Variants in ARF4 observed in about 807,000 individuals in gnomAD.
ARF4 encodes the protein ADP-ribosylation factor 4.
ARF4 carries 5 observed loss-of-function variants against 24.3 expected under a neutral mutation model. The observed-to-expected ratio is 0.21, with a 90% CI of 0.11 to 0.43. ARF4 has a LOEUF of 0.43. Ranked by LOEUF, ARF4 falls within the 20% of genes least tolerant of loss-of-function variation. The pLI is 1.00. For synonymous variants in ARF4, 62 were observed against 73.5 expected (o/e 0.84, Z 0.80); for missense variants, 107 against 213.0 (o/e 0.50, Z 3.10).
intron 1 of ARF4, chr3:57,596,717 G>A (rs951782187): frequency 1.5e-5 from 4 of 264,022 alleles, no homozygotes; most frequent in Non-Finnish European, 2.3e-5. Flanking sequence ...GGGCAAGAAG[G>A]TATGCAGATC....
At chr3:57,587,858 G>A (rs1160853555) in intron 1 of ARF4, among the ~76,000 whole-genome samples, 1 of 152,038 alleles carries the variant, frequency 6.6e-6, no homozygotes, top group Non-Finnish European at 1.5e-5. Context: ...AACACAGAAT[G>A]TATCTTATGC....
At chr3:57,594,205 CAA>C (rs894989456) in intron 1 of ARF4, among the ~76,000 whole-genome samples, 20 of 152,216 alleles carry the variant, frequency 1.3e-4, no homozygotes, top group African/African-American at 4.6e-4. Flanking sequence ...GCCTGGGAGA[CAA>C]GAGTGAAACT....
rs2069846266 is a variant in ARF4 at position 57,571,866 on chromosome 3, A to G, written c.*346T>C. On this transcript the variant is annotated 3_prime_UTR_variant, in exon 6 of 6. Transcript: ENST00000303436. ...TCTCAGGAATGATAAAGGTATCAGT[A>G]AAGTAGCAAGGGGATAACTTTAAAA... 2 of 195,396 alleles carry G rather than the reference A, an allele frequency of 1.0e-5. No homozygotes were observed. Among genetic ancestry groups the G allele is most frequent in the South Asian group, 2.3e-4 (2 of 8,580 alleles). The allele number at this position is 195,396 out of a possible 1,614,324, so 12.1% of individuals were successfully genotyped here. A position where few individuals can be genotyped will look rare whatever the true frequency, so the allele number is the denominator to read the frequency against.
intron 1 of ARF4, among the ~76,000 whole-genome samples, chr3:57,593,398 GAAAC>G (rs1245187790): frequency 1.3e-5 from 2 of 151,996 alleles, no homozygotes; most frequent in Admixed American, 6.6e-5. Context: ...AATATGCTAA[GAAAC>G]AAATATAAAA....
intron 2 of ARF4, 101 bp downstream of exon 2, chr3:57,584,283 G>T: frequency 8.8e-7 from 1 of 1,139,162 alleles, no homozygotes; most frequent in Non-Finnish European, 1.3e-6. Flanking sequence ...GTACTTCTAA[G>T]ATAATCAACA....
At chr3:57,573,056 G>T (rs540020196) in intron 5 of ARF4, among the ~76,000 whole-genome samples, 1 of 152,086 alleles carries the variant, frequency 6.6e-6, no homozygotes, top group South Asian at 2.1e-4. Context: ...CAAAAAATTA[G>T]CCGGGCGTGG....
intron 1 of ARF4, 68 bp downstream of exon 1, chr3:57,597,006 A>G: frequency 6.4e-7 from 1 of 1,558,374 alleles, no homozygotes; most frequent in African/African-American, 1.4e-5. Context: ...AAACAGGCCC[A>G]GAGGCCACCC....
chr3:57,589,548 T>C (rs535658751), intron 1 of ARF4, among the ~76,000 whole-genome samples: 1 of 150,534 alleles, frequency 6.6e-6, no homozygotes, highest in Non-Finnish European at 1.5e-5. Flanking sequence ...TGAAACCCAG[T>C]CTCTACTAAA....
Position 57,572,234 on chromosome 3 carries a change from G to A in ARF4, c.521C>T (p.Ser174Leu). 6.2e-7 allele frequency: 1 copy of A among 1,614,020 alleles called. No homozygotes were observed. ...CATTTAACGTTTTGAAAGCTCATTT[G>A]ACAGCCAGTCAAGTCCTTCATACAG... ...TGLYEGLDWLSNELSKR is the reference protein window; with the variant it reads ...TGLYEGLDWLLNELSKR The change falls in exon 6 of 6, where the codon TCA (serine) becomes TTA (leucine). Residue 174 changes from serine to leucine, a missense_variant. Coordinates refer to ENST00000303436, the MANE Select transcript of ARF4 (RefSeq NM_001660.4).
intron 1 of ARF4, among the ~76,000 whole-genome samples, chr3:57,595,335 G>A (rs2070167451): frequency 6.6e-6 from 1 of 152,038 alleles, no homozygotes; most frequent in Non-Finnish European, 1.5e-5. Flanking sequence ...TCTCTTTAAC[G>A]AACAGACTGG....
At chr3:57,586,242 AT>A (rs1342420648) in intron 1 of ARF4, among the ~76,000 whole-genome samples, 3 of 152,126 alleles carry the variant, frequency 2.0e-5, no homozygotes, top group African/African-American at 7.2e-5. Flanking sequence ...CTTATCACAG[AT>A]TTTTGTATCG....
chr3:57,579,909 C>T (rs1379584845), intron 3 of ARF4, among the ~76,000 whole-genome samples: 17 of 151,946 alleles, frequency 1.1e-4, no homozygotes, highest in Admixed American at 9.2e-4. Context: ...CAAGATCACC[C>T]TGGGCAGAGT....
At chr3:57,592,197 T>C (rs147480173) in intron 1 of ARF4, among the ~76,000 whole-genome samples, 1 of 152,258 alleles carries the variant, frequency 6.6e-6, no homozygotes, top group East Asian at 1.9e-4. Context: ...ATACTGTATC[T>C]TAATATTTTG....
chr3:57,596,956 G>C (rs1024589980), intron 1 of ARF4, 118 bp downstream of exon 1: 51 of 1,122,528 alleles, frequency 4.5e-5, no homozygotes, highest in Admixed American at 4.5e-5. Flanking sequence ...TCCGACCCCC[G>C]ACCCGGCGCC....
chr3:57,575,753 C>T, intron 4 of ARF4, 80 bp from the exon 5 acceptor site: 1 of 1,411,754 alleles, frequency 7.1e-7, no homozygotes, highest in Non-Finnish European at 9.5e-7. Context: ...ATACTTTACT[C>T]AGCATTAAAT....
At chr3:57,574,911 C>A (rs75274038) in intron 5 of ARF4, among the ~76,000 whole-genome samples, 1 of 150,616 alleles carries the variant, frequency 6.6e-6, no homozygotes, top group East Asian at 2.0e-4. Flanking sequence ...TGCAGTGGCG[C>A]GATCGCGACT....
chr3:57,573,146 G>A lies in ARF4; in HGVS notation c.457-848C>T, dbSNP rs555688119. On this transcript the variant is annotated intron_variant, in intron 5 of 5. Transcript: ENST00000303436. ...GAACCCAGAAGGCAGAGCTTGCAGT[G>A]AGCCGAGATCGTGCCACAGCACTCC... 4.7e-5 allele frequency among the ~76,000 whole-genome samples: 7 copies of A among 150,252 alleles called. No homozygotes were observed. In the East Asian group the frequency reaches 1.4e-3, roughly 30 times the overall value.
chr3:57,581,673 G>A (rs2069973420), intron 3 of ARF4, among the ~76,000 whole-genome samples: 2 of 152,164 alleles, frequency 1.3e-5, no homozygotes, highest in African/African-American at 4.8e-5. Context: ...GGTGGCGCAT[G>A]CCTGAAGTCC....
chr3:57,578,384 A>G (rs75348673), intron 3 of ARF4, among the ~76,000 whole-genome samples: 1 of 151,550 alleles, frequency 6.6e-6, no homozygotes, highest in Non-Finnish European at 1.5e-5. Context: ...TCAAAACCCT[A>G]TCTCTTAAAA....
Sources: gnomAD v4.1 joint callset for allele counts (sites outside exome capture counted in the v4.1 genomes callset) on GRCh38, gnomAD v4.1.1 for gene constraint, MANE v1.5 for transcripts, NCBI Gene and HGNC (gene_info 2026-07-23, HGNC 2026-07-21) for gene names.